XKR4: variants seen among roughly 807,000 people sequenced by gnomAD.
XKR4 encodes XK-related protein 4.
Under a neutral mutation model 53.9 loss-of-function variants are expected in XKR4, and 12 were observed. The ratio of observed to expected loss-of-function variants is 0.22; its 90% CI spans 0.14 to 0.36. The LOEUF (loss-of-function observed/expected upper bound fraction) is 0.36. XKR4 is among the 10% of genes least tolerant of loss of function. The pLI is 1.00. For synonymous variants in XKR4, 354 were observed against 362.4 expected (o/e 0.98, Z 0.26); for missense variants, 799 against 859.5 (o/e 0.93, Z 0.88).
chr8:55,463,723 C>T (rs543230657), intron 2 of XKR4, among the ~76,000 whole-genome samples: 35 of 151,822 alleles, frequency 2.3e-4, no homozygotes, highest in South Asian at 4.2e-4. Flanking sequence ...ATTGATAGAC[C>T]GCTAGCAAGA....
intron 1 of XKR4, among the ~76,000 whole-genome samples, chr8:55,324,768 C>G (rs76500450): frequency 0.045 from 6,829 of 152,258 alleles, 223 homozygotes; most frequent in Middle Eastern, 0.088. Context: ...AATAACTTTT[C>G]CAAGATCACA....
chr8:55,502,622 T>C (rs1026128316), intron 2 of XKR4, among the ~76,000 whole-genome samples: 2 of 152,180 alleles, frequency 1.3e-5, no homozygotes, highest in Non-Finnish European at 2.9e-5. Flanking sequence ...TTTTTTAATA[T>C]ATCTTTATCA....
chr8:55,286,168 A>G (rs1322037854), intron 1 of XKR4, among the ~76,000 whole-genome samples: 1 of 152,202 alleles, frequency 6.6e-6, no homozygotes, highest in Non-Finnish European at 1.5e-5. Context: ...CTCCCTCAAA[A>G]TGACAATTGT....
At chr8:55,429,046 T>C (rs943096475) in intron 2 of XKR4, among the ~76,000 whole-genome samples, 1 of 152,218 alleles carries the variant, frequency 6.6e-6, no homozygotes, top group Non-Finnish European at 1.5e-5. Context: ...GTGGTATTGC[T>C]GAAGAAACAG....
intron 2 of XKR4, among the ~76,000 whole-genome samples, chr8:55,374,072 C>G (rs1330081675): frequency 6.6e-6 from 1 of 152,208 alleles, no homozygotes; most frequent in Admixed American, 6.5e-5. Context: ...GATCCTGAAA[C>G]CCAAGGGTCC....
intron 1 of XKR4, among the ~76,000 whole-genome samples, chr8:55,152,277 A>T (rs1400046801): frequency 6.6e-6 from 1 of 152,188 alleles, no homozygotes; most frequent in East Asian, 1.9e-4. Flanking sequence ...TAGTTTTATT[A>T]TCTTTACATT....
chr8:55,284,645 C>A (rs1370408552), intron 1 of XKR4, among the ~76,000 whole-genome samples: 6 of 152,142 alleles, frequency 3.9e-5, no homozygotes, highest in Non-Finnish European at 8.8e-5. Flanking sequence ...AAGGAAACCA[C>A]AATGCCTTTT....
chr8:55,146,079 T>C (rs902940065), intron 1 of XKR4, among the ~76,000 whole-genome samples: 2 of 152,248 alleles, frequency 1.3e-5, no homozygotes, highest in African/African-American at 4.8e-5. Context: ...TGAGTCATCA[T>C]AGAACATGAA....
intron 1 of XKR4, among the ~76,000 whole-genome samples, chr8:55,331,585 C>T (rs1244463390): frequency 6.6e-6 from 1 of 152,090 alleles, no homozygotes; most frequent in Non-Finnish European, 1.5e-5. Flanking sequence ...GTCAACTTCT[C>T]CTTTACATTC....
chr8:55,301,643 C>T (rs1819200449), intron 1 of XKR4, among the ~76,000 whole-genome samples: 1 of 152,168 alleles, frequency 6.6e-6, no homozygotes, highest in African/African-American at 2.4e-5. Flanking sequence ...TTCTCCACAT[C>T]CTCTCCAGCA....
At position 55,303,082 on chromosome 8, in the gene XKR4, A is replaced by G. The variant is rs535484644; in HGVS notation, c.807-54596A>G. Among the ~76,000 whole-genome samples, 51 of 152,342 alleles carry G rather than the reference A, an allele frequency of 3.3e-4. No individual in the cohort carries two copies. The East Asian group carries it at 7.7e-3, about 23-fold the overall frequency. On this transcript the variant is annotated intron_variant, in intron 1 of 2. Transcript: ENST00000327381. The stretch of plus-strand genomic sequence containing the variant: ...GCATCCATGTCTTGTGCCCGTTTTC[A>G]AAGGGAATGCTTCCAGTTTTTGCCC...
At chr8:55,221,595 C>A (rs1341571638) in intron 1 of XKR4, among the ~76,000 whole-genome samples, 1 of 152,132 alleles carries the variant, frequency 6.6e-6, no homozygotes, top group African/African-American at 2.4e-5. Context: ...ACGTTGGTGA[C>A]CCTCTTTGCA....
intron 1 of XKR4, among the ~76,000 whole-genome samples, chr8:55,177,659 G>A (rs193194958): frequency 5.9e-5 from 9 of 152,276 alleles, no homozygotes; most frequent in East Asian, 3.9e-4. Flanking sequence ...GTCATTCCTC[G>A]TAGGCAGCCT....
chr8:55,259,484 A>C lies in XKR4; in HGVS notation c.807-98194A>C, dbSNP rs115357627. On this transcript the variant is annotated intron_variant, in intron 1 of 2. Coordinates refer to ENST00000327381, the MANE Select transcript of XKR4 (RefSeq NM_052898.2). ...GAGTGCCCAAGGTTACAGCGATTGA[A>C]GAAGTGGTGAGGTTGGGGTTTGCCC... Among the ~76,000 whole-genome samples, 574 of 152,274 alleles carry C rather than the reference A, an allele frequency of 3.8e-3. 6 individuals are homozygous for C. The highest frequency in any genetic ancestry group is 0.013 in the African/African-American group (548 of 41,548).
At chr8:55,480,864 G>A (rs1806090467) in intron 2 of XKR4, among the ~76,000 whole-genome samples, 1 of 151,808 alleles carries the variant, frequency 6.6e-6, no homozygotes, top group Non-Finnish European at 1.5e-5. Flanking sequence ...CCTCTTCAAG[G>A]AGAACTACAA....
chr8:55,108,791 A>G (rs1488114217), intron 1 of XKR4, among the ~76,000 whole-genome samples: 6 of 151,696 alleles, frequency 4.0e-5, no homozygotes, highest in Non-Finnish European at 8.8e-5. Context: ...TTCTTATTTG[A>G]CCCTTTGAAT....
intron 1 of XKR4, among the ~76,000 whole-genome samples, chr8:55,110,646 T>G (rs180988753): frequency 1.3e-5 from 2 of 152,296 alleles, no homozygotes; most frequent in African/African-American, 4.8e-5. Context: ...CTAGTTACAC[T>G]CTGAGAAAAA....
intron 2 of XKR4, among the ~76,000 whole-genome samples, chr8:55,424,806 C>G (rs1804989930): frequency 6.6e-6 from 1 of 152,206 alleles, no homozygotes; most frequent in Non-Finnish European, 1.5e-5. Flanking sequence ...TTCATTACTT[C>G]CTGAACTTCA....
At chr8:55,481,104 C>A (rs1806095123) in intron 2 of XKR4, among the ~76,000 whole-genome samples, 1 of 152,104 alleles carries the variant, frequency 6.6e-6, no homozygotes, top group African/African-American at 2.4e-5. Flanking sequence ...AATCCTAAGC[C>A]AAAAGAACAA....
Sources: allele counts gnomAD v4.1 joint callset (sites outside exome capture counted in the v4.1 genomes callset), GRCh38; gene constraint gnomAD v4.1.1; transcripts MANE v1.5; gene names NCBI Gene and HGNC (gene_info 2026-07-23, HGNC 2026-07-21).